CA6: variants seen among roughly 807,000 people sequenced by gnomAD.
CA6 encodes carbonate dehydratase VI.
In CA6, 28 loss-of-function variants were observed where a neutral mutation model predicts 35.9. The ratio of observed to expected loss-of-function variants is 0.78; its 90% CI spans 0.58 to 1.07. The LOEUF (loss-of-function observed/expected upper bound fraction) is 1.07. Among genes scored for constraint, CA6 ranks in the 50% least tolerant of loss-of-function variants. The pLI, the probability that CA6 is intolerant of heterozygous loss-of-function variation, is 0.00. For synonymous variants in CA6, 148 were observed against 152.6 expected (o/e 0.97, Z 0.22); for missense variants, 377 against 382.0 (o/e 0.99, Z 0.11).
chr1:8,965,015 G>A (rs1045493631), intron 5 of CA6, among the ~76,000 whole-genome samples: 40 of 152,160 alleles, frequency 2.6e-4, no homozygotes, highest in African/African-American at 9.1e-4. Flanking sequence ...AGGCGGAGGC[G>A]GGCTGATCAC....
chr1:8,951,590 G>A, intron 2 of CA6: 1 of 765,202 alleles, frequency 1.3e-6, no homozygotes, highest in Non-Finnish European at 2.4e-6. Context: ...CGGGCTTCGT[G>A]CTGAGGGCCC....
intron 3 of CA6, among the ~76,000 whole-genome samples, chr1:8,958,591 C>A (rs1172465746): frequency 6.6e-6 from 1 of 152,222 alleles, no homozygotes; most frequent in Non-Finnish European, 1.5e-5. Flanking sequence ...CCAGACACTC[C>A]AGGAGAACCC....
intron 5 of CA6, among the ~76,000 whole-genome samples, chr1:8,967,420 G>A (rs1322180638): frequency 3.3e-5 from 5 of 152,138 alleles, no homozygotes; most frequent in Non-Finnish European, 7.4e-5. Flanking sequence ...TGGCCGCAGG[G>A]TGAGCACCCG....
chr1:8,958,675 C>G (rs1377653108), intron 3 of CA6, among the ~76,000 whole-genome samples: 1 of 152,208 alleles, frequency 6.6e-6, no homozygotes, highest in Non-Finnish European at 1.5e-5. Flanking sequence ...GAAATGGCCT[C>G]GAACTGCCAT....
At chr1:8,947,996 C>T (rs1011521957) in intron 1 of CA6, among the ~76,000 whole-genome samples, 4 of 152,058 alleles carry the variant, frequency 2.6e-5, no homozygotes, top group Non-Finnish European at 5.9e-5. Flanking sequence ...CGGCATGTGC[C>T]ACCATGCCCG....
chr1:8,964,289 C>T (rs1639915409), intron 5 of CA6, among the ~76,000 whole-genome samples: 1 of 152,118 alleles, frequency 6.6e-6, no homozygotes, highest in East Asian at 1.9e-4. Context: ...TGCTCTGTCA[C>T]CAGGCTGGAG....
intron 6 of CA6, among the ~76,000 whole-genome samples, chr1:8,969,017 CAA>C (rs200268685): frequency 1.5e-5 from 2 of 137,920 alleles, no homozygotes; most frequent in African/African-American, 5.3e-5. Flanking sequence ...AACCCTGTCT[CAA>C]AAAAAAAAAA....
chr1:8,972,937 G>T (rs1005181765), intron 7 of CA6, among the ~76,000 whole-genome samples: 1 of 152,046 alleles, frequency 6.6e-6, no homozygotes, highest in African/African-American at 2.4e-5. Context: ...TTAACAGCAA[G>T]AATCCCTTTG....
At chr1:8,973,761 TTTC>T (rs1491094416) in intron 7 of CA6, among the ~76,000 whole-genome samples, 1 of 24,634 alleles carries the variant, frequency 4.1e-5, no homozygotes, top group Non-Finnish European at 6.3e-5. Flanking sequence ...TCTTTCTTTC[TTTC>T]TTTCTTTCTT....
At chr1:8,973,481 C>T (rs1368833706) in intron 7 of CA6, among the ~76,000 whole-genome samples, 1 of 152,188 alleles carries the variant, frequency 6.6e-6, no homozygotes, top group East Asian at 1.9e-4. Flanking sequence ...ACGAGGGGGT[C>T]AGATGTTCTA....
intron 2 of CA6, among the ~76,000 whole-genome samples, chr1:8,956,107 C>T (rs749434631): frequency 2.0e-4 from 30 of 152,070 alleles, no homozygotes; most frequent in Non-Finnish European, 4.4e-5. Context: ...CCTGTAATCC[C>T]AGCTACTGGG....
In CA6 at chr1:8,962,571, C is replaced by T. The variant is rs1295025668; in HGVS notation, c.502-16C>T. The T allele has an allele frequency of 5.0e-6, 8 of 1,607,266 alleles. No individual in the cohort carries two copies. The highest frequency in any genetic ancestry group is 6.8e-6 in the Non-Finnish European group (8 of 1,173,868). On this transcript the variant is annotated splice_polypyrimidine_tract_variant and intron_variant, in intron 4 of 7. Transcript: ENST00000377443. ...CTCTTCTTCACTTACGCTCAGTGCT[C>T]TGTGTTTCTCTGCAGGTGAAGAATT...
chr1:8,962,749 T>G (rs1569704109), intron 5 of CA6, 93 bp downstream of exon 5: 2 of 1,097,340 alleles, frequency 1.8e-6, no homozygotes, highest in Non-Finnish European at 1.4e-6. Flanking sequence ...TTGATGCTGG[T>G]GGGGAGGGTG....
chr1:8,950,981 C>T (rs992201388), intron 2 of CA6, among the ~76,000 whole-genome samples: 4 of 152,042 alleles, frequency 2.6e-5, no homozygotes, highest in Admixed American at 6.6e-5. Flanking sequence ...TTTGGGAGCC[C>T]GAGGCAGGCA....
intron 1 of CA6, among the ~76,000 whole-genome samples, chr1:8,946,862 G>A (rs1472758436): frequency 4.1e-5 from 6 of 147,694 alleles, no homozygotes; most frequent in Non-Finnish European, 7.4e-5. Context: ...GGAGTTCAGT[G>A]GTGCCATCTC....
intron 3 of CA6, 82 bp downstream of exon 3, chr1:8,957,367 G>A (rs1339383280): frequency 2.0e-5 from 28 of 1,382,564 alleles, no homozygotes; most frequent in Non-Finnish European, 2.6e-5. Context: ...TTGAGACAGA[G>A]TCTCGCTCTG....
intron 5 of CA6, among the ~76,000 whole-genome samples, chr1:8,962,923 A>G (rs1466012954): frequency 6.6e-6 from 1 of 152,184 alleles, no homozygotes; most frequent in Non-Finnish European, 1.5e-5. Flanking sequence ...TGCACTAAGT[A>G]GGCATATCCT....
intron 7 of CA6, chr1:8,974,414 C>A (rs1169249048): frequency 1.3e-6 from 2 of 1,538,538 alleles, no homozygotes; most frequent in East Asian, 2.4e-5. Context: ...CAACACGCCA[C>A]CCCTTGGCTC....
intron 3 of CA6, among the ~76,000 whole-genome samples, 181 bp downstream of exon 3, chr1:8,957,466 G>T (rs1053788292): frequency 6.6e-6 from 1 of 152,060 alleles, no homozygotes; most frequent in African/African-American, 2.4e-5. Context: ...TTAGTCTCCC[G>T]AGTAAATGGG....
Sources: gnomAD v4.1 joint callset for allele counts (sites outside exome capture counted in the v4.1 genomes callset) on GRCh38, gnomAD v4.1.1 for gene constraint, MANE v1.5 for transcripts, NCBI Gene and HGNC (gene_info 2026-07-23, HGNC 2026-07-21) for gene names.